Variants in CACNA1G observed in about 807,000 individuals in gnomAD.
The protein encoded by CACNA1G is calcium voltage-gated channel subunit alpha1 G.
CACNA1G carries 67 observed loss-of-function variants against 219.4 expected under a neutral mutation model. That is an observed-to-expected ratio of 0.31 (90% CI 0.25 to 0.37). The LOEUF (loss-of-function observed/expected upper bound fraction) is 0.37, where lower values mean the gene tolerates loss of function less well. CACNA1G is among the 10% of genes least tolerant of loss of function. The pLI is 1.00. For synonymous variants in CACNA1G, 1,296 were observed against 1,345.3 expected, an observed-to-expected ratio of 0.96 and a Z score of 0.80; for missense variants, 2,380 against 3,231.4, an observed-to-expected ratio of 0.74 and a Z score of 6.39.
At chr17:50,597,166 C>T (rs2045738917) in intron 16 of CACNA1G, among the ~76,000 whole-genome samples, 1 of 152,120 alleles carries the variant, frequency 6.6e-6, no homozygotes, top group Non-Finnish European at 1.5e-5. Context: ...GCTGAGTGAC[C>T]TCGGGCAAGA....
intron 9 of CACNA1G, among the ~76,000 whole-genome samples, chr17:50,579,492 C>A (rs1020700250): frequency 6.6e-6 from 1 of 152,166 alleles, no homozygotes; most frequent in Non-Finnish European, 1.5e-5. Flanking sequence ...TTGGCTCCCT[C>A]TTCCACAGGG....
Position 50,617,776 on chromosome 17 carries a change from C to A in CACNA1G, c.5156-83C>A. 1 of 1,525,652 alleles carries A rather than the reference C, an allele frequency of 6.6e-7. No homozygotes were observed. The highest frequency in any genetic ancestry group is 9.0e-7 in the Non-Finnish European group (1 of 1,112,538). 94.5% of individuals were successfully genotyped at this position (1,525,652 alleles called of 1,614,324 possible). ...CCGGAGATGGCCATCCCAGCAGCCC[C>A]AGCCCAGCCCTGGTCCTGACTCTGC... On this transcript the variant is annotated intron_variant, in intron 29 of 37. Coordinates refer to ENST00000359106, the MANE Select transcript of CACNA1G (RefSeq NM_018896.5). This position sits in a 1 kb window ranked among gnomAD's most constrained non-coding sequence, Gnocchi z 5.8.
intron 8 of CACNA1G, among the ~76,000 whole-genome samples, chr17:50,577,909 A>G (rs553847059): frequency 3.3e-5 from 5 of 152,068 alleles, no homozygotes; most frequent in Admixed American, 1.3e-4. Context: ...CACCTAGGAT[A>G]TAGGAGCTGT....
chr17:50,619,715 G>A lies in CACNA1G; in HGVS notation c.5814G>A (p.Leu1938=), dbSNP rs2051329653. Residue 1938 remains leucine (L), a synonymous_variant, in exon 34 of 38, where the codon CTG becomes CTA. Coordinates refer to ENST00000359106, the MANE Select transcript of CACNA1G (RefSeq NM_018896.5). ...DRQLFDTISL[L]IQGSLEWELK... ...AGCTGTTTGACACCATATCCCTGCT[G>A]ATCCAGGGCTCCCTGGAGTGGGAGC... The A allele has an allele frequency of 2.5e-6, 4 of 1,610,716 alleles. No homozygotes were observed. The highest frequency in any genetic ancestry group is 3.4e-6 in the Non-Finnish European group (4 of 1,179,446).
At chr17:50,610,059 G>T in intron 26 of CACNA1G, 124 bp downstream of exon 26, 1 of 906,152 alleles carries the variant, frequency 1.1e-6, no homozygotes, top group East Asian at 2.6e-5. Context: ...CAAGAGGGCA[G>T]GGGCTGAAGC....
Position 50,603,847 on chromosome 17 carries a change from A to G in CACNA1G, c.4170-308A>G, listed in dbSNP as rs1319181125. On this transcript the variant is annotated intron_variant, in intron 21 of 37. Coordinates refer to ENST00000359106, the MANE Select transcript of CACNA1G (RefSeq NM_018896.5). The surrounding 1 kb of genome is among the most constrained non-coding windows in gnomAD (Gnocchi z 6.4). ...TATCTCCTGGTGCCCCCAACCCACA[A>G]TACACTGCATCTCTAGGGAACGCCT... is the stretch of plus-strand genomic sequence containing the variant. Among the ~76,000 whole-genome samples the G allele has an allele frequency of 6.6e-6, 1 of 151,828 alleles. No individual in the cohort carries two copies. Among genetic ancestry groups the G allele is most frequent in the Non-Finnish European group, 1.5e-5 (1 of 67,968 alleles).
At chr17:50,611,850 G>A (rs2049279422) in intron 26 of CACNA1G, among the ~76,000 whole-genome samples, 1 of 152,170 alleles carries the variant, frequency 6.6e-6, no homozygotes, top group Non-Finnish European at 1.5e-5. Flanking sequence ...CCCACTCAGT[G>A]CTAAACACTC....
rs1191148468 is a variant in CACNA1G, at chr17:50,561,633, G to A, written c.174G>A (p.Pro58=). 2.5e-6 allele frequency: 4 copies of A among 1,604,480 alleles called. No individual in the cohort carries two copies. Residue 58 remains proline (P), a synonymous_variant, in exon 1 of 38, where the codon CCG becomes CCA. Coordinates refer to ENST00000359106, the MANE Select transcript of CACNA1G (RefSeq NM_018896.5). ...GGCTGCCGTACCCGGCGCTGGCCCC[G>A]GTGGTTTTCTTCTACTTGAGCCAGG... ...AEGLPYPALA[P]VVFFYLSQDS...
At chr17:50,611,619 T>G (rs2049231906) in intron 26 of CACNA1G, among the ~76,000 whole-genome samples, 1 of 152,190 alleles carries the variant, frequency 6.6e-6, no homozygotes, top group Non-Finnish European at 1.5e-5. Flanking sequence ...CAGGCTGTCT[T>G]GCAAATTCCT....
In CACNA1G at chr17:50,596,413, T is replaced by G. The variant is rs1291731347; in HGVS notation, c.2980-149T>G. The G allele has an allele frequency of 1.6e-5, 10 of 645,056 alleles. No individual in the cohort carries two copies. Among genetic ancestry groups the G allele is most frequent in the Admixed American group, 2.3e-5 (1 of 43,748 alleles). The allele number at this position is 645,056 out of a possible 1,614,324, so 40.0% of individuals were successfully genotyped here. ...AGCCTCGGGCCCCAAGCCTGGGGGG[T>G]CTGGCCTGCGCCGTGCATGTCTCGT... On this transcript the variant is annotated intron_variant, in intron 14 of 37. Transcript: ENST00000359106. This position sits in a 1 kb window ranked among gnomAD's most constrained non-coding sequence, Gnocchi z 4.8.
At chr17:50,607,569 G>A (rs1329689510) in intron 24 of CACNA1G, 1 of 484,504 alleles carries the variant, frequency 2.1e-6, no homozygotes, top group South Asian at 2.8e-5. Flanking sequence ...CTGAAGATCT[G>A]GGAAGACTGG....
rs1486808527 is a variant in CACNA1G, at chr17:50,561,301, G to C, written c.-159G>C. 2 of 803,568 alleles carry C rather than the reference G, an allele frequency of 2.5e-6. No individual in the cohort carries two copies. The highest frequency in any genetic ancestry group is 3.8e-6 in the Non-Finnish European group (2 of 531,838). 49.8% of individuals were successfully genotyped at this position (803,568 alleles called of 1,614,324 possible). ...GCGGGCAGCATGCCCCTGCGGGCAG[G>C]GGGAGCTGGGCTGAACTGGCCCTCC... On this transcript the variant is annotated 5_prime_UTR_variant, in exon 1 of 38. Coordinates refer to ENST00000359106, the MANE Select transcript of CACNA1G (RefSeq NM_018896.5).
rs189213278 is a variant in CACNA1G, at chr17:50,599,631, G to A, written c.3462G>A (p.Ala1154=). The change falls in exon 17 of 38, where the codon GCG becomes GCA. Residue 1154 remains alanine, a synonymous_variant. Transcript: ENST00000359106. ...ESSEEERASP[A]GSDHRHRGSL... ...CAGAAGAGGAGCGGGCCAGCCCTGC[G>A]GGCAGTGACCATCGCCACAGGGGGT... 7 of 1,612,886 alleles carry A rather than the reference G, an allele frequency of 4.3e-6. No individual in the cohort carries two copies. Among genetic ancestry groups the A allele is most frequent in the Admixed American group, 3.3e-5 (2 of 59,886 alleles).
At position 50,617,828 on chromosome 17, in the gene CACNA1G, G is replaced by A. The variant is rs762970366; in HGVS notation, c.5156-31G>A. On this transcript the variant is annotated intron_variant, in intron 29 of 37. Coordinates refer to ENST00000359106, the MANE Select transcript of CACNA1G (RefSeq NM_018896.5). This position sits in a 1 kb window ranked among gnomAD's most constrained non-coding sequence, Gnocchi z 5.8. ...AGCTGTCTGGCCGGGGACCCAAAGAGGCCAGCTCATGACGTTGTCCTGTTC... is the reference window on the plus strand; with the variant it reads ...AGCTGTCTGGCCGGGGACCCAAAGAAGCCAGCTCATGACGTTGTCCTGTTC... The A allele has an allele frequency of 1.9e-6, 3 of 1,610,568 alleles. No homozygotes were observed. Among genetic ancestry groups the A allele is most frequent in the East Asian group, 2.2e-5 (1 of 44,870 alleles).
Position 50,617,659 on chromosome 17 carries a change from T to C in CACNA1G, c.5155+88T>C. 4 of 1,509,794 alleles carry C rather than the reference T, an allele frequency of 2.6e-6. No homozygotes were observed. Among genetic ancestry groups the C allele is most frequent in the Non-Finnish European group, 3.6e-6 (4 of 1,114,318 alleles). 93.5% of individuals were successfully genotyped at this position (1,509,794 alleles called of 1,614,324 possible). A position where few individuals can be genotyped will look rare whatever the true frequency, so the allele number is the denominator to read the frequency against. The stretch of plus-strand genomic sequence containing the variant: ...GTCGGCTTTGTGGCTGGTCAAGGCC[T>C]GGGCGGCTGTGGGTTCCCATGGGTC... On this transcript the variant is annotated intron_variant, in intron 29 of 37. Transcript: ENST00000359106. The surrounding 1 kb of genome is among the most constrained non-coding windows in gnomAD (Gnocchi z 5.8).
intron 36 of CACNA1G, 36 bp from the exon 37 acceptor site, chr17:50,624,324 T>TCCCCCCCCCCCCCCCCCCCCTGCCCC: frequency 3.4e-6 from 4 of 1,177,646 alleles, no homozygotes; most frequent in Non-Finnish European, 4.9e-6. Context: ...CTCCATTCTC[T>TCCCCCCCCCCCCCCCCCCCCTGCCCC]CCCCCCACCC....
At chr17:50,597,819 C>A (rs1203776596) in intron 16 of CACNA1G, among the ~76,000 whole-genome samples, 1 of 152,244 alleles carries the variant, frequency 6.6e-6, no homozygotes, top group Non-Finnish European at 1.5e-5. Flanking sequence ...ACCCCAGCCT[C>A]TGCTAATCAC....
At chr17:50,607,744 G>A (rs564500388) in intron 24 of CACNA1G, 83 bp from the exon 25 acceptor site, 10 of 1,226,976 alleles carry the variant, frequency 8.2e-6, no homozygotes, top group African/African-American at 3.0e-5. Context: ...ATTTGGGTTC[G>A]CAGGAACCCA....
chr17:50,564,864 C>T (rs1030469683), intron 1 of CACNA1G, among the ~76,000 whole-genome samples: 7 of 152,070 alleles, frequency 4.6e-5, no homozygotes, highest in African/African-American at 1.7e-4. Context: ...TGAGGGGGGG[C>T]CAGATCACCC....
Sources: gnomAD v4.1 joint callset for allele counts (sites outside exome capture counted in the v4.1 genomes callset) on GRCh38, gnomAD v4.1.1 for gene constraint, Gnocchi (gnomAD v3.1) non-coding constraint, MANE v1.5 for transcripts, NCBI Gene and HGNC (gene_info 2026-07-23, HGNC 2026-07-21) for gene names.